Variants in OSTN observed in about 807,000 individuals in gnomAD.
The protein encoded by OSTN is osteocrin.
OSTN carries 9 observed loss-of-function variants against 12.0 expected under a neutral mutation model. The ratio of observed to expected loss-of-function variants is 0.75; its 90% CI spans 0.45 to 1.30. OSTN has a LOEUF of 1.30. Ranked by LOEUF, OSTN falls within the 50% of genes most tolerant of loss-of-function variation. The pLI, the probability that OSTN is intolerant of heterozygous loss-of-function variation, is 0.00. For missense variants in OSTN, 148 were observed against 152.3 expected (o/e 0.97, Z 0.15); for synonymous variants, 59 against 56.9 (o/e 1.04, Z -0.16).
intron 3 of OSTN, among the ~76,000 whole-genome samples, chr3:191,245,079 T>C (rs1229097970): frequency 6.6e-6 from 1 of 152,212 alleles, no homozygotes; most frequent in African/African-American, 2.4e-5. Flanking sequence ...TTTTCAGATA[T>C]TGCTCTCTTT....
intron 4 of OSTN, among the ~76,000 whole-genome samples, chr3:191,254,062 A>G (rs1715618971): frequency 6.6e-6 from 1 of 152,350 alleles, no homozygotes; most frequent in South Asian, 2.1e-4. Flanking sequence ...AGTCTTGTTT[A>G]GTCAGTCTCT....
intron 4 of OSTN, among the ~76,000 whole-genome samples, chr3:191,262,207 T>C (rs1448951530): frequency 6.6e-6 from 1 of 152,000 alleles, no homozygotes; most frequent in Non-Finnish European, 1.5e-5. Context: ...GCAAACTCCA[T>C]CTCAAAAAAG....
At chr3:191,248,203 G>GA (rs978688538) in intron 3 of OSTN, among the ~76,000 whole-genome samples, 8 of 151,346 alleles carry the variant, frequency 5.3e-5, no homozygotes, top group African/African-American at 1.7e-4. Context: ...TGTAGTCAAG[G>GA]AAAAAAAATG....
intron 4 of OSTN, among the ~76,000 whole-genome samples, chr3:191,260,138 A>G (rs563835034): frequency 9.9e-5 from 15 of 152,150 alleles, no homozygotes; most frequent in African/African-American, 3.4e-4. Context: ...GGAGAGCCAC[A>G]GTGCCCAGCC....
chr3:191,230,066 C>CAATAAATAAATAAATAAATA (rs71937483), intron 3 of OSTN, among the ~76,000 whole-genome samples: 1,759 of 146,110 alleles, frequency 0.012, 49 homozygotes, highest in African/African-American at 0.044. Context: ...GACTCAGTCT[C>CAATAAATAAATAAATAAATA]AATAAATAAA....
At chr3:191,225,802 CA>C (rs1314391805) in intron 3 of OSTN, among the ~76,000 whole-genome samples, 2 of 151,686 alleles carry the variant, frequency 1.3e-5, no homozygotes, top group African/African-American at 4.8e-5. Context: ...AAGAGGAAAA[CA>C]ATAGACCCTG....
At chr3:191,227,570 A>G (rs1714944027) in intron 3 of OSTN, among the ~76,000 whole-genome samples, 1 of 152,216 alleles carries the variant, frequency 6.6e-6, no homozygotes, top group South Asian at 2.1e-4. Flanking sequence ...CATTTTTATA[A>G]ACTTTTTATT....
intron 3 of OSTN, among the ~76,000 whole-genome samples, chr3:191,249,683 T>A (rs752520698): frequency 6.6e-6 from 1 of 152,136 alleles, no homozygotes; most frequent in Non-Finnish European, 1.5e-5. Flanking sequence ...ATTCACAAAA[T>A]AACAGAAAAA....
chr3:191,252,678 C>A (rs1290071687), intron 4 of OSTN, among the ~76,000 whole-genome samples: 1 of 152,206 alleles, frequency 6.6e-6, no homozygotes, highest in Non-Finnish European at 1.5e-5. Flanking sequence ...ATCACTGTCA[C>A]CAAGATTTCT....
chr3:191,229,898 CTACAAAAAA>C (rs1715006243), intron 3 of OSTN: 2 of 151,900 alleles, frequency 1.3e-5, no homozygotes, highest in African/African-American at 2.4e-5. Flanking sequence ...AACCCCGTCT[CTACAAAAAA>C]TACAAAAAAT....
At chr3:191,261,548 C>G (rs1715811049) in intron 4 of OSTN, among the ~76,000 whole-genome samples, 1 of 152,146 alleles carries the variant, frequency 6.6e-6, no homozygotes, top group Admixed American at 6.5e-5. Context: ...TTCCCTAGAT[C>G]TAGACAAGAG....
chr3:191,255,203 A>C (rs1473293283), intron 4 of OSTN, among the ~76,000 whole-genome samples: 1 of 152,092 alleles, frequency 6.6e-6, no homozygotes, highest in Non-Finnish European at 1.5e-5. Context: ...CTCTTATGAG[A>C]ATCTAATGCC....
chr3:191,262,263 G>A (rs1443527972), intron 4 of OSTN, among the ~76,000 whole-genome samples: 3 of 152,154 alleles, frequency 2.0e-5, no homozygotes, highest in African/African-American at 2.4e-5. Context: ...CCACTTGCTG[G>A]CACATCCATT....
At chr3:191,243,817 A>G (rs1381978544) in intron 3 of OSTN, among the ~76,000 whole-genome samples, 2 of 152,166 alleles carry the variant, frequency 1.3e-5, no homozygotes, top group Non-Finnish European at 2.9e-5. Flanking sequence ...ATTATTAACT[A>G]TAGTCACAAT....
At chr3:191,214,413 G>C (rs1393695407) in intron 2 of OSTN, among the ~76,000 whole-genome samples, 1 of 110,236 alleles carries the variant, frequency 9.1e-6, no homozygotes, top group Non-Finnish European at 1.7e-5. Context: ...GCACCAGCCT[G>C]TTAACAGAGT....
intron 3 of OSTN, among the ~76,000 whole-genome samples, chr3:191,222,767 T>G (rs1040532428): frequency 6.6e-6 from 1 of 152,046 alleles, no homozygotes; most frequent in Non-Finnish European, 1.5e-5. Context: ...CATGATCCCC[T>G]CGTGTTATGG....
At position 191,204,342 on chromosome 3, in the gene OSTN, G is replaced by A. The variant is rs149097463; in HGVS notation, c.-1+5035G>A. 7.3e-3 allele frequency among the ~76,000 whole-genome samples: 1,117 copies of A among 152,174 alleles called. 13 individuals carry two copies. Among genetic ancestry groups the A allele is most frequent in the African/African-American group, 0.025 (1,044 of 41,504 alleles). On this transcript the variant is annotated intron_variant, in intron 1 of 4. Coordinates refer to ENST00000682035, the MANE Select transcript of OSTN (RefSeq NM_198184.2). The stretch of plus-strand genomic sequence containing the variant: ...AGGAAATGTTTAAATAAATGGCTAT[G>A]CACCACGAGTATTTCTCAAATGTAT...
chr3:191,242,787 T>C (rs9872520), intron 3 of OSTN, among the ~76,000 whole-genome samples: 5,090 of 152,046 alleles, frequency 0.033, 282 homozygotes, highest in African/African-American at 0.11. Flanking sequence ...AATATTAGGG[T>C]AGAGGTGATT....
At chr3:191,203,371 A>T (rs542379752) in intron 1 of OSTN, among the ~76,000 whole-genome samples, 1 of 152,210 alleles carries the variant, frequency 6.6e-6, no homozygotes, top group South Asian at 2.1e-4. Flanking sequence ...GTTTAAAATA[A>T]TAATGGAATC....
Sources: allele counts gnomAD v4.1 joint callset (sites outside exome capture counted in the v4.1 genomes callset), GRCh38; gene constraint gnomAD v4.1.1; transcripts MANE v1.5; gene names NCBI Gene and HGNC (gene_info 2026-07-23, HGNC 2026-07-21).